Variants in NCR3LG1 observed in about 807,000 individuals in gnomAD.
NCR3LG1 encodes natural killer cell cytotoxicity receptor 3 ligand 1.
In NCR3LG1, 35 loss-of-function variants were observed where a neutral mutation model predicts 34.8. That is an observed-to-expected ratio of 1.01 (90% CI 0.77 to 1.33). The LOEUF is 1.33. NCR3LG1 is among the 40% of genes most tolerant of loss of function. The pLI, the probability that NCR3LG1 is intolerant of heterozygous loss-of-function variation, is 0.00. For synonymous variants in NCR3LG1, 173 were observed against 163.6 expected, an observed-to-expected ratio of 1.06 and a Z score of -0.44; for missense variants, 452 against 423.3, an observed-to-expected ratio of 1.07 and a Z score of -0.60.
intron 3 of NCR3LG1, 85 bp from the exon 4 acceptor site, chr11:17,368,782 C>A: frequency 1.1e-6 from 1 of 900,194 alleles, no homozygotes; most frequent in Non-Finnish European, 1.7e-6. Context: ...GATGACACAA[C>A]CACACAGTTC....
At chr11:17,363,529 TCCCTCCCTCCCTC>T (rs1953308075) in intron 2 of NCR3LG1, among the ~76,000 whole-genome samples, 1 of 69,298 alleles carries the variant, frequency 1.4e-5, no homozygotes, top group East Asian at 5.1e-4. Context: ...CCTCCCTCCC[TCCCTCCCTCCCTC>T]CCTTCCTTCC....
intron 2 of NCR3LG1, among the ~76,000 whole-genome samples, chr11:17,360,890 C>T (rs1953262839): frequency 6.6e-6 from 1 of 152,128 alleles, no homozygotes; most frequent in Admixed American, 6.5e-5. Context: ...GCTCGCGCCA[C>T]CGCTCCCAGC....
chr11:17,362,682 TCC>T lies in NCR3LG1; in HGVS notation c.422-4326_422-4325del, dbSNP rs1280972393. Reference sequence around the variant, plus strand: ...GTTATTGACTCAGTGTCTCCTTCCTTCCTTCCTTCCTTTCTTTCTTTCTTTCT... The same window carrying T: ...GTTATTGACTCAGTGTCTCCTTCCTTTTCCTTCCTTTCTTTCTTTCTTTCT... On this transcript the variant is annotated intron_variant, in intron 2 of 4. Coordinates refer to ENST00000338965, the MANE Select transcript of NCR3LG1 (RefSeq NM_001202439.3). Among the ~76,000 whole-genome samples the T allele has an allele frequency of 0.011, 258 of 22,978 alleles. 26 individuals are homozygous for T. The African/African-American group carries it at 0.16, about 15-fold the overall frequency. The allele number at this position is 22,978 out of a possible 152,430, so 15.1% of individuals were successfully genotyped here. A position where few individuals can be genotyped will look rare whatever the true frequency, so the allele number is the denominator to read the frequency against.
At chr11:17,362,760 C>CT (rs1174526711) in intron 2 of NCR3LG1, among the ~76,000 whole-genome samples, 15 of 120,780 alleles carry the variant, frequency 1.2e-4, no homozygotes, top group African/African-American at 2.5e-4. Context: ...TTCTTTCTTT[C>CT]TTTCTTTCCT....
chr11:17,356,675 C>CA lies in NCR3LG1; in HGVS notation c.96dup (p.Gly33ArgfsTer10). ...GGTGATCTGAAAGTAGAGATGATGG[C>CA]AGGGGGGACTCAGATCACACCCCTG... is the stretch of plus-strand genomic sequence containing the variant. On this transcript the variant is annotated frameshift_variant, in exon 2 of 5. Coordinates refer to ENST00000338965, the MANE Select transcript of NCR3LG1 (RefSeq NM_001202439.3). LOFTEE classifies it high-confidence loss of function. 3.3e-6 allele frequency: 5 copies of CA among 1,534,714 alleles called. No homozygotes were observed. Among genetic ancestry groups the CA allele is most frequent in the Non-Finnish European group, 4.4e-6 (5 of 1,145,960 alleles).
At position 17,375,447 on chromosome 11, in the gene NCR3LG1, A is replaced by C. The variant is rs182662576; in HGVS notation, c.*2935A>C. The stretch of plus-strand genomic sequence containing the variant: ...ATAACATTGAAAATGTGCCTCTCTC[A>C]CCAGGCACACACACTCAATCAGTTG... On this transcript the variant is annotated 3_prime_UTR_variant, in exon 5 of 5. Transcript: ENST00000338965. The C allele has an allele frequency of 2.0e-5, 3 of 152,318 alleles. No homozygotes were observed. The highest frequency in any genetic ancestry group is 7.2e-5 in the African/African-American group (3 of 41,564). The allele number at this position is 152,318 out of a possible 1,614,324, so 9.4% of individuals were successfully genotyped here.
At chr11:17,363,829 T>G (rs954650826) in intron 2 of NCR3LG1, among the ~76,000 whole-genome samples, 1 of 152,042 alleles carries the variant, frequency 6.6e-6, no homozygotes, top group African/African-American at 2.4e-5. Context: ...ACTCCTGAGC[T>G]CAAGTGATCC....
Position 17,372,531 on chromosome 11 carries a change from GCCA to G in NCR3LG1, c.*21_*23del. The G allele has an allele frequency of 1.5e-6, 1 of 668,918 alleles. No individual in the cohort carries two copies. The highest frequency in any genetic ancestry group is 2.7e-6 in the Non-Finnish European group (1 of 368,036). 41.4% of individuals were successfully genotyped at this position (668,918 alleles called of 1,614,324 possible). Reference sequence around the variant, plus strand: ...ACAGTAAATGCCTGATGGACCTGGTGCCACTAGGGTCCAAGTTCCCTTTTCATT... The same window carrying G: ...ACAGTAAATGCCTGATGGACCTGGTGCTAGGGTCCAAGTTCCCTTTTCATT... On this transcript the variant is annotated 3_prime_UTR_variant, in exon 5 of 5. Coordinates refer to ENST00000338965, the MANE Select transcript of NCR3LG1 (RefSeq NM_001202439.3).
At chr11:17,360,025 C>T (rs1336540042) in intron 2 of NCR3LG1, among the ~76,000 whole-genome samples, 1 of 152,016 alleles carries the variant, frequency 6.6e-6, no homozygotes, top group Non-Finnish European at 1.5e-5. Flanking sequence ...CAGGCTTCAG[C>T]CTCCCAAGTA....
rs116489845 is a variant in NCR3LG1 at position 17,368,995 on chromosome 11, G to A, written c.858+31G>A. Reference sequence around the variant, plus strand: ...GGGCTCCAAAGCAAAGTTCAGCCCTGTGTCTTGGGCTAGTAAAAAGCTTTT... The same window carrying A: ...GGGCTCCAAAGCAAAGTTCAGCCCTATGTCTTGGGCTAGTAAAAAGCTTTT... On this transcript the variant is annotated intron_variant, in intron 4 of 4. Coordinates refer to ENST00000338965, the MANE Select transcript of NCR3LG1 (RefSeq NM_001202439.3). 1.3e-3 allele frequency: 1,782 copies of A among 1,407,462 alleles called. 20 individuals are homozygous for A. In the African/African-American group the frequency reaches 0.021, roughly 16 times the overall value. 87.2% of individuals were successfully genotyped at this position (1,407,462 alleles called of 1,614,324 possible). A position where few individuals can be genotyped will look rare whatever the true frequency, so the allele number is the denominator to read the frequency against.
Position 17,371,125 on chromosome 11 carries a change from A to G in NCR3LG1, c.859-881A>G, listed in dbSNP as rs192290044. Among the ~76,000 whole-genome samples the G allele has an allele frequency of 5.5e-4, 83 of 151,846 alleles. 2 individuals carry two copies. The East Asian group carries it at 7.7e-3, about 14-fold the overall frequency. On this transcript the variant is annotated intron_variant, in intron 4 of 4. Coordinates refer to ENST00000338965, the MANE Select transcript of NCR3LG1 (RefSeq NM_001202439.3). Reference sequence around the variant, plus strand: ...TCATGTAAGAGCTCAGCATTGCCCAATGAATTTAAGCATTCCCTCTATGAG... The same window carrying G: ...TCATGTAAGAGCTCAGCATTGCCCAGTGAATTTAAGCATTCCCTCTATGAG...
At chr11:17,352,506 G>C (rs1006559185) in intron 1 of NCR3LG1, among the ~76,000 whole-genome samples, 13 of 152,094 alleles carry the variant, frequency 8.5e-5, no homozygotes, top group Non-Finnish European at 1.2e-4. Context: ...TCCCTCCTTT[G>C]TGAGAAGCGG....
chr11:17,360,936 G>A (rs770492277), intron 2 of NCR3LG1, among the ~76,000 whole-genome samples: 18 of 152,004 alleles, frequency 1.2e-4, no homozygotes, highest in East Asian at 1.9e-4. Flanking sequence ...GAGTTTCGCC[G>A]TGTAGCCCAG....
chr11:17,357,017 C>T lies in NCR3LG1; in HGVS notation c.421+16C>T. ...GAAGTTGTGGGTGAGTGTCTCGGGG[C>T]AGTGCCCTACAGTTCCCATGGTGTT... is the stretch of plus-strand genomic sequence containing the variant. On this transcript the variant is annotated intron_variant, in intron 2 of 4. Coordinates refer to ENST00000338965, the MANE Select transcript of NCR3LG1 (RefSeq NM_001202439.3). 2.1e-6 allele frequency: 3 copies of T among 1,455,922 alleles called. No individual in the cohort carries two copies. The highest frequency in any genetic ancestry group is 2.7e-6 in the Non-Finnish European group (3 of 1,096,556). The allele number at this position is 1,455,922 out of a possible 1,614,324, so 90.2% of individuals were successfully genotyped here. A position where few individuals can be genotyped will look rare whatever the true frequency, so the allele number is the denominator to read the frequency against.
chr11:17,365,576 G>C (rs138686560), intron 2 of NCR3LG1, among the ~76,000 whole-genome samples: 4 of 152,260 alleles, frequency 2.6e-5, no homozygotes, highest in African/African-American at 4.8e-5. Flanking sequence ...GGTCAGATAA[G>C]GCTCTGACAT....
rs1308888315 is a variant in NCR3LG1, at chr11:17,372,700, A to C, written c.*188A>C. The C allele has an allele frequency of 1.9e-6, 1 of 530,336 alleles. No individual in the cohort carries two copies. The highest frequency in any genetic ancestry group is 3.3e-6 in the Non-Finnish European group (1 of 301,416). 32.9% of individuals were successfully genotyped at this position (530,336 alleles called of 1,614,324 possible). On this transcript the variant is annotated 3_prime_UTR_variant, in exon 5 of 5. Coordinates refer to ENST00000338965, the MANE Select transcript of NCR3LG1 (RefSeq NM_001202439.3). Reference sequence around the variant, plus strand: ...TGTTGCTCTTAAACTCTTAACTACTACAGAGAAACAGGTAGCCCTGCAGGC... The same window carrying C: ...TGTTGCTCTTAAACTCTTAACTACTCCAGAGAAACAGGTAGCCCTGCAGGC...
chr11:17,357,000 G>A lies in NCR3LG1; in HGVS notation c.420G>A (p.Val140=). Residue 140 remains valine (V), a splice_region_variant and synonymous_variant, in exon 2 of 5, where the codon GTG becomes GTA. Transcript: ENST00000338965. ...KAQGTVQLEV[V]ASPASRLLLD... ...AGGGAACAGTCCAGCTTGAAGTTGT[G>A]GGTGAGTGTCTCGGGGCAGTGCCCT... The A allele has an allele frequency of 6.6e-7, 1 of 1,510,778 alleles. No individual in the cohort carries two copies. The highest frequency in any genetic ancestry group is 8.8e-7 in the Non-Finnish European group (1 of 1,132,264). 93.6% of individuals were successfully genotyped at this position (1,510,778 alleles called of 1,614,324 possible).
At chr11:17,371,973 C>T (rs1444884269) in intron 4 of NCR3LG1, 33 bp from the exon 5 acceptor site, 1 of 684,052 alleles carries the variant, frequency 1.5e-6, no homozygotes, top group Non-Finnish European at 2.7e-6. Context: ...ACAAAGGAGA[C>T]TAAGGGATGC....
chr11:17,366,354 T>G (rs901833524), intron 2 of NCR3LG1, among the ~76,000 whole-genome samples: 3 of 152,138 alleles, frequency 2.0e-5, no homozygotes, highest in African/African-American at 7.2e-5. Flanking sequence ...AAGACATCCT[T>G]TTAGTTTAAG....
Sources: gnomAD v4.1 joint callset for allele counts (sites outside exome capture counted in the v4.1 genomes callset) on GRCh38, gnomAD v4.1.1 for gene constraint, MANE v1.5 for transcripts, NCBI Gene and HGNC (gene_info 2026-07-23, HGNC 2026-07-21) for gene names.